Variants in CORO2B observed in about 807,000 individuals in gnomAD.
The protein encoded by CORO2B is coronin 2B.
In CORO2B, 26 loss-of-function variants were observed where a neutral mutation model predicts 58.8. The observed-to-expected ratio is 0.44, with a 90% confidence interval of 0.32 to 0.61. CORO2B has a LOEUF of 0.61. Among genes scored for constraint, CORO2B ranks in the 20% least tolerant of loss-of-function variants. CORO2B has a pLI of 0.04. For synonymous variants in CORO2B, 242 were observed against 253.8 expected, an observed-to-expected ratio of 0.95 and a Z score of 0.44; for missense variants, 460 against 645.1, an observed-to-expected ratio of 0.71 and a Z score of 3.11.
In CORO2B at chr15:68,645,779, A is replaced by ATT. The variant is rs112673362; in HGVS notation, c.216+430_216+431dup. 4.8e-5 allele frequency among the ~76,000 whole-genome samples: 7 copies of ATT among 147,112 alleles called. No individual in the cohort carries two copies. The highest frequency in any genetic ancestry group is 1.7e-4 in the African/African-American group (7 of 40,308). On this transcript the variant is annotated intron_variant, in intron 2 of 11. Coordinates refer to ENST00000261861, the MANE Select transcript of CORO2B (RefSeq NM_006091.5). This position sits in a 1 kb window ranked among gnomAD's most constrained non-coding sequence, Gnocchi z 4.5. ...ATTGAGCATCTGCAAAAATTATACA[A>ATT]TTTTTTTTTTTTGAGATGGAGTCTT...
At chr15:68,703,156 T>C (rs1227701499) in intron 3 of CORO2B, among the ~76,000 whole-genome samples, 2 of 144,514 alleles carry the variant, frequency 1.4e-5, no homozygotes, top group Non-Finnish European at 1.5e-5. Flanking sequence ...TTTTCTTTTT[T>C]TTTTTTTTTT....
Position 68,645,272 on chromosome 15 carries a change from A to G in CORO2B, c.128A>G (p.Asn43Ser). 2 of 1,614,088 alleles carry G rather than the reference A, an allele frequency of 1.2e-6. No individual in the cohort carries two copies. The highest frequency in any genetic ancestry group is 1.6e-4 in the Middle Eastern group (1 of 6,062). Residue 43 changes from asparagine to serine, a missense_variant, in exon 2 of 12, where the codon AAC becomes AGC. Asn to Ser is a conservative substitution (Grantham distance 46, BLOSUM62 1). This residue lies in a region of CORO2B where 352 missense variants were observed against 543.0 expected (regional missense o/e 0.65). Transcript: ENST00000261861. This position sits in a 1 kb window ranked among gnomAD's most constrained non-coding sequence, Gnocchi z 4.5. The part of the protein sequence containing the change: ...GIPITKNVHD[N>S]HFCAVNTRFL... ...CCCATCACCAAGAATGTGCACGACA[A>G]CCACTTCTGTGCCGTCAACACCCGC...
chr15:68,629,065 G>A (rs939924210), intron 1 of CORO2B, among the ~76,000 whole-genome samples: 6 of 152,374 alleles, frequency 3.9e-5, no homozygotes, highest in Middle Eastern at 3.4e-3. Flanking sequence ...AGCCAGGAAG[G>A]TGAGACCAGC....
intron 3 of CORO2B, among the ~76,000 whole-genome samples, chr15:68,708,232 A>G (rs1892827656): frequency 6.6e-6 from 1 of 152,128 alleles, no homozygotes; most frequent in East Asian, 1.9e-4. Context: ...GGAAATGCTT[A>G]TTCTTATAGT....
At chr15:68,605,939 A>T (rs28734056) in intron 1 of CORO2B, among the ~76,000 whole-genome samples, 4,618 of 151,804 alleles carry the variant, frequency 0.03, 102 homozygotes, top group African/African-American at 0.062. Flanking sequence ...TTGGTCAGGC[A>T]GGTCTCAAAC....
intron 1 of CORO2B, among the ~76,000 whole-genome samples, chr15:68,579,801 G>C (rs1254547416): frequency 1.3e-5 from 2 of 152,230 alleles, no homozygotes; most frequent in East Asian, 3.9e-4. Context: ...CCAGTCCCGG[G>C]AGCCGCTACC....
the CORO2B span, among the ~76,000 whole-genome samples, chr15:68,530,347 T>C: frequency 6.6e-6 from 1 of 151,928 alleles, no homozygotes; most frequent in Non-Finnish European, 1.5e-5. Flanking sequence ...AATAATAATA[T>C]GTATATATAT....
At chr15:68,600,525 C>T (rs577473410) in intron 1 of CORO2B, among the ~76,000 whole-genome samples, 3 of 152,184 alleles carry the variant, frequency 2.0e-5, no homozygotes, top group Non-Finnish European at 2.9e-5. Flanking sequence ...AAAGACAAAG[C>T]GGTCTTTGTT....
intron 2 of CORO2B, among the ~76,000 whole-genome samples, chr15:68,672,258 C>G (rs916525507): frequency 6.6e-6 from 1 of 150,790 alleles, no homozygotes; most frequent in Admixed American, 6.6e-5. Context: ...TTTTTTGAGA[C>G]AGAATCTCAC....
chr15:68,719,381 G>A (rs368356205), intron 10 of CORO2B, 32 bp from the exon 11 acceptor site: 41 of 1,611,146 alleles, frequency 2.5e-5, no homozygotes, highest in East Asian at 8.9e-5. Flanking sequence ...CCATGGGATC[G>A]TCAGTGAGAG....
upstream of CORO2B, among the ~76,000 whole-genome samples, chr15:68,578,578 C>T (rs537819677): frequency 2.6e-5 from 4 of 152,266 alleles, no homozygotes; most frequent in Admixed American, 6.5e-5. The surrounding 1 kb of genome is among the most constrained non-coding windows in gnomAD (Gnocchi z 4.2). Context: ...GCGCCACACT[C>T]ACGGCCCACG....
At chr15:68,604,719 G>A (rs1900064460) in intron 1 of CORO2B, among the ~76,000 whole-genome samples, 2 of 152,154 alleles carry the variant, frequency 1.3e-5, no homozygotes, top group Admixed American at 1.3e-4. Context: ...ATGGAAAGAT[G>A]GGATTATGGG....
intron 1 of CORO2B, among the ~76,000 whole-genome samples, chr15:68,615,008 T>G (rs1595969165): frequency 6.6e-6 from 1 of 152,132 alleles, no homozygotes; most frequent in Admixed American, 6.5e-5. Flanking sequence ...GGTGGGATGG[T>G]GGGGATGCTG....
At chr15:68,576,780 T>A (rs186938098), upstream of CORO2B, among the ~76,000 whole-genome samples, 9 of 152,204 alleles carry the variant, frequency 5.9e-5, no homozygotes, top group Admixed American at 5.9e-4. Flanking sequence ...TAATTTAAAT[T>A]TCCTCTGCTG....
chr15:68,600,003 A>G (rs548329176), intron 1 of CORO2B, among the ~76,000 whole-genome samples: 1 of 152,206 alleles, frequency 6.6e-6, no homozygotes, highest in Admixed American at 6.5e-5. Flanking sequence ...TGCTTGGGGT[A>G]GGCCCCCTCC....
rs547108894 is a variant in CORO2B at position 68,587,910 on chromosome 15, G to T, written c.15+8633G>T. On this transcript the variant is annotated intron_variant, in intron 1 of 11. Coordinates refer to ENST00000261861, the MANE Select transcript of CORO2B (RefSeq NM_006091.5). Reference sequence around the variant, plus strand: ...GGTGGGAATGACCCGGAAATATGTGGTCCAGAGCATGGGACCTGGAGGCAG... The same window carrying T: ...GGTGGGAATGACCCGGAAATATGTGTTCCAGAGCATGGGACCTGGAGGCAG... Among the ~76,000 whole-genome samples, 3 of 152,282 alleles carry T rather than the reference G, an allele frequency of 2.0e-5. No homozygotes were observed. In the South Asian group the frequency reaches 6.2e-4, roughly 32 times the overall value.
At chr15:68,586,534 G>A (rs1202277392) in intron 1 of CORO2B, among the ~76,000 whole-genome samples, 1 of 152,196 alleles carries the variant, frequency 6.6e-6, no homozygotes. Context: ...TGAGAGCATG[G>A]TACAAGTATC....
intron 1 of CORO2B, chr15:68,641,438 G>T: frequency 1.3e-6 from 1 of 757,100 alleles, no homozygotes; most frequent in Non-Finnish European, 1.6e-6. Context: ...TGGGGATTTG[G>T]GGGAGAGAGG....
upstream of CORO2B, among the ~76,000 whole-genome samples, chr15:68,578,189 G>A (rs1899325019): frequency 6.6e-6 from 1 of 152,152 alleles, no homozygotes; most frequent in Non-Finnish European, 1.5e-5. The surrounding 1 kb of genome is among the most constrained non-coding windows in gnomAD (Gnocchi z 4.2). Flanking sequence ...TCAACACACA[G>A]GACGCACCTG....
Sources: allele counts gnomAD v4.1 joint callset (sites outside exome capture counted in the v4.1 genomes callset), GRCh38; gene constraint gnomAD v4.1.1; regional missense constraint gnomAD v4.1.1; non-coding constraint Gnocchi (gnomAD v3.1); transcripts MANE v1.5; gene names NCBI Gene and HGNC (gene_info 2026-07-23, HGNC 2026-07-21).